FRMD3: variants seen among roughly 807,000 people sequenced by gnomAD.
FRMD3 encodes the protein FERM domain-containing protein 3.
A neutral mutation model predicts 70.2 loss-of-function variants in FRMD3; 33 were observed. The ratio of observed to expected loss-of-function variants is 0.47; its 90% CI spans 0.36 to 0.63. The LOEUF (loss-of-function observed/expected upper bound fraction) is 0.63. Among genes scored for constraint, FRMD3 ranks in the 20% least tolerant of loss-of-function variants. The probability of loss-of-function intolerance (pLI) is 0.00; values close to 1 mark genes in which losing one functional copy is unlikely to be tolerated. For synonymous variants in FRMD3, 279 were observed against 255.9 expected, an observed-to-expected ratio of 1.09 and a Z score of -0.86; for missense variants, 632 against 711.4, an observed-to-expected ratio of 0.89 and a Z score of 1.27.
the FRMD3 span, among the ~76,000 whole-genome samples, chr9:83,574,013 A>G: frequency 1.3e-5 from 2 of 152,118 alleles, no homozygotes; most frequent in Non-Finnish European, 2.9e-5. Context: ...CCCAATAAGT[A>G]TACATTCCTT....
intron 1 of FRMD3, among the ~76,000 whole-genome samples, chr9:83,508,486 T>C (rs1829256864): frequency 6.6e-6 from 1 of 152,252 alleles, no homozygotes; most frequent in Non-Finnish European, 1.5e-5. Context: ...AACAAATGGT[T>C]TGTGAGTGCA....
Position 83,244,801 on chromosome 9 carries a change from T to C in FRMD3, c.*3117A>G. The C allele has an allele frequency of 2.0e-6, 2 of 985,220 alleles. No homozygotes were observed. The highest frequency in any genetic ancestry group is 1.2e-6 in the Non-Finnish European group (1 of 829,826). The allele number at this position is 985,220 out of a possible 1,614,324, so 61.0% of individuals were successfully genotyped here. On this transcript the variant is annotated 3_prime_UTR_variant, in exon 14 of 14. Coordinates refer to ENST00000304195, the MANE Select transcript of FRMD3 (RefSeq NM_174938.6). ...AAACTCATTGTGAATTCACCCCGAG[T>C]TGTGTTTATAAATATTAGACAAACC...
chr9:83,362,191 C>G (rs1451922046), intron 3 of FRMD3, among the ~76,000 whole-genome samples: 3 of 151,584 alleles, frequency 2.0e-5, no homozygotes, highest in Non-Finnish European at 4.4e-5. Context: ...CTCTCTCTCT[C>G]TCTCTCTCTC....
At chr9:83,512,415 G>A (rs907060352) in intron 1 of FRMD3, among the ~76,000 whole-genome samples, 1 of 152,206 alleles carries the variant, frequency 6.6e-6, no homozygotes, top group South Asian at 2.1e-4. Flanking sequence ...GTGACAGATG[G>A]TAATGTGATG....
At chr9:83,459,571 G>A (rs760896317) in intron 1 of FRMD3, among the ~76,000 whole-genome samples, 12 of 152,336 alleles carry the variant, frequency 7.9e-5, no homozygotes, top group Admixed American at 6.5e-4. Context: ...GTTCACAAGT[G>A]CAGGAGAATG....
At chr9:83,534,401 T>G (rs951621229) in intron 1 of FRMD3, among the ~76,000 whole-genome samples, 2 of 152,198 alleles carry the variant, frequency 1.3e-5, no homozygotes, top group Non-Finnish European at 1.5e-5. Context: ...CTACCAAAAT[T>G]ATATGATTTG....
intron 13 of FRMD3, among the ~76,000 whole-genome samples, chr9:83,272,898 G>A (rs1225418217): frequency 2.7e-5 from 4 of 146,054 alleles, no homozygotes; most frequent in Non-Finnish European, 3.0e-5. Flanking sequence ...GAGCCCCTCC[G>A]CCCGGCAGCC....
At chr9:83,521,235 C>A (rs1393810772) in intron 1 of FRMD3, among the ~76,000 whole-genome samples, 1 of 152,146 alleles carries the variant, frequency 6.6e-6, no homozygotes, top group Non-Finnish European at 1.5e-5. Flanking sequence ...TATCACCATC[C>A]CAACAGCACA....
At chr9:83,363,504 G>C (rs1454429911) in intron 3 of FRMD3, among the ~76,000 whole-genome samples, 1 of 149,462 alleles carries the variant, frequency 6.7e-6, no homozygotes, top group Admixed American at 6.7e-5. Context: ...AATAAATTTT[G>C]CTCTAGATAG....
intron 1 of FRMD3, among the ~76,000 whole-genome samples, chr9:83,500,539 C>CACACAG (rs1330312086): frequency 7.4e-6 from 1 of 135,044 alleles, no homozygotes; most frequent in African/African-American, 2.6e-5. Flanking sequence ...CACACACACA[C>CACACAG]AATGTCAATA....
intron 9 of FRMD3, 70 bp from the exon 10 acceptor site, chr9:83,309,694 T>C (rs1835278841): frequency 1.4e-5 from 13 of 912,920 alleles, no homozygotes; most frequent in Non-Finnish European, 2.2e-5. Flanking sequence ...GGTTTTTTTT[T>C]TTCAGGTGTT....
At chr9:83,341,132 C>T (rs1350327262) in intron 5 of FRMD3, among the ~76,000 whole-genome samples, 1 of 152,176 alleles carries the variant, frequency 6.6e-6, no homozygotes, top group Non-Finnish European at 1.5e-5. Context: ...TTGTGAATGA[C>T]CTGCAGTGCT....
At chr9:83,490,798 T>TCTCTCTCACACACACACA (rs752047493) in intron 1 of FRMD3, among the ~76,000 whole-genome samples, 6 of 110,786 alleles carry the variant, frequency 5.4e-5, no homozygotes, top group African/African-American at 1.8e-4. Flanking sequence ...TCTCTCTCTC[T>TCTCTCTCACACACACACA]CACACACACA....
At chr9:83,557,360 C>A in the FRMD3 span, among the ~76,000 whole-genome samples, 29 of 152,136 alleles carry the variant, frequency 1.9e-4, no homozygotes, top group Admixed American at 1.1e-3. Flanking sequence ...TTGGTAACAA[C>A]AATACCAGAG....
In FRMD3 at chr9:83,344,627, C is replaced by T. The variant is rs553486957; in HGVS notation, c.375-1340G>A. Among the ~76,000 whole-genome samples the T allele has an allele frequency of 1.2e-4, 18 of 150,170 alleles. No individual in the cohort carries two copies. The East Asian group carries it at 3.3e-3, about 28-fold the overall frequency. ...ATCCTCAGTGTTCCTGGTTCTCAGA[C>T]CTTCAGACTTGGATTGGAATCTACA... is the stretch of plus-strand genomic sequence containing the variant. On this transcript the variant is annotated intron_variant, in intron 4 of 13. Transcript: ENST00000304195.
At chr9:83,511,902 A>T (rs908108774) in intron 1 of FRMD3, among the ~76,000 whole-genome samples, 1 of 152,176 alleles carries the variant, frequency 6.6e-6, no homozygotes, top group Non-Finnish European at 1.5e-5. Context: ...GGAATGCAGA[A>T]ACCTGCTTCT....
At chr9:83,363,800 C>A (rs976912483) in intron 3 of FRMD3, among the ~76,000 whole-genome samples, 5 of 152,072 alleles carry the variant, frequency 3.3e-5, no homozygotes, top group Non-Finnish European at 4.4e-5. Context: ...GTGATCCGCC[C>A]ACCTTGGCCT....
At chr9:83,283,795 C>T (rs1415512816) in intron 13 of FRMD3, among the ~76,000 whole-genome samples, 2 of 152,186 alleles carry the variant, frequency 1.3e-5, no homozygotes, top group East Asian at 1.9e-4. Context: ...ATGCTTAAAA[C>T]AGCACTTTTT....
intron 1 of FRMD3, among the ~76,000 whole-genome samples, chr9:83,470,227 G>C (rs1828236314): frequency 6.6e-6 from 1 of 152,178 alleles, no homozygotes; most frequent in Non-Finnish European, 1.5e-5. Flanking sequence ...AGCACATTTA[G>C]AAAAGCCCAG....
Sources: allele counts gnomAD v4.1 joint callset (sites outside exome capture counted in the v4.1 genomes callset), GRCh38; gene constraint gnomAD v4.1.1; transcripts MANE v1.5; gene names NCBI Gene and HGNC (gene_info 2026-07-23, HGNC 2026-07-21).